GALNTL6: variants seen among roughly 807,000 people sequenced by gnomAD.
The protein encoded by GALNTL6 is polypeptide N-acetylgalactosaminyltransferase-like 6.
In GALNTL6, 46 loss-of-function variants were observed where a neutral mutation model predicts 73.7. The observed-to-expected ratio is 0.62, with a 90% confidence interval of 0.49 to 0.80. The LOEUF (loss-of-function observed/expected upper bound fraction) is 0.80. Ranked by LOEUF, GALNTL6 falls within the 30% of genes least tolerant of loss-of-function variation. GALNTL6 has a pLI of 0.00. For missense variants in GALNTL6, 604 were observed against 755.0 expected, an observed-to-expected ratio of 0.80 and a Z score of 2.34; for synonymous variants, 259 against 263.7, an observed-to-expected ratio of 0.98 and a Z score of 0.17.
At chr4:172,411,607 C>T (rs1199060648) in intron 5 of GALNTL6, among the ~76,000 whole-genome samples, 1 of 144,814 alleles carries the variant, frequency 6.9e-6, no homozygotes, top group Non-Finnish European at 1.5e-5. Flanking sequence ...CCTCACTGGA[C>T]ATGTTGAAAA....
intron 5 of GALNTL6, among the ~76,000 whole-genome samples, chr4:172,600,507 G>A (rs1040845778): frequency 6.6e-6 from 1 of 151,858 alleles, no homozygotes; most frequent in African/African-American, 2.4e-5. Context: ...CTGGAGAGGA[G>A]GTAACTATAC....
intron 2 of GALNTL6, among the ~76,000 whole-genome samples, chr4:172,127,637 T>A (rs542042957): frequency 6.6e-6 from 1 of 152,376 alleles, no homozygotes; most frequent in South Asian, 2.1e-4. Context: ...TAAGTAAGAA[T>A]CTGAAGTATA....
intron 5 of GALNTL6, among the ~76,000 whole-genome samples, chr4:172,429,173 TTATTATTTTATTTTATTTTA>T (rs761917682): frequency 0.029 from 2,147 of 72,846 alleles, 60 homozygotes; most frequent in African/African-American, 0.087. Flanking sequence ...TTATTTTGTT[TTATTATTTTATTTTATTTTA>T]TATTATTTTA....
At chr4:172,368,093 A>G (rs1742636819) in intron 5 of GALNTL6, among the ~76,000 whole-genome samples, 1 of 152,200 alleles carries the variant, frequency 6.6e-6, no homozygotes, top group Non-Finnish European at 1.5e-5. Context: ...ACAAAAGTAG[A>G]ATATTGGCCA....
At chr4:172,184,784 AT>A (rs752985731) in intron 2 of GALNTL6, among the ~76,000 whole-genome samples, 1 of 152,188 alleles carries the variant, frequency 6.6e-6, no homozygotes, top group Non-Finnish European at 1.5e-5. Context: ...AGATCGAGGG[AT>A]TGGCATTGTT....
At chr4:172,794,952 G>T (rs1740186251) in intron 5 of GALNTL6, among the ~76,000 whole-genome samples, 1 of 152,164 alleles carries the variant, frequency 6.6e-6, no homozygotes, top group Non-Finnish European at 1.5e-5. Flanking sequence ...TCATTCAGAG[G>T]AATGCTATTT....
At chr4:172,481,422 G>A (rs1349947181) in intron 5 of GALNTL6, among the ~76,000 whole-genome samples, 1 of 139,708 alleles carries the variant, frequency 7.2e-6, no homozygotes, top group Non-Finnish European at 1.6e-5. Flanking sequence ...AAGGGGACCA[G>A]GGTTGTCTCT....
At chr4:172,573,924 G>T (rs1237696529) in intron 5 of GALNTL6, among the ~76,000 whole-genome samples, 1 of 152,056 alleles carries the variant, frequency 6.6e-6, no homozygotes, top group Non-Finnish European at 1.5e-5. Context: ...TTCTCAACTT[G>T]TTTAAGTGAC....
At chr4:172,802,784 C>T (rs948451654) in intron 5 of GALNTL6, among the ~76,000 whole-genome samples, 1 of 127,394 alleles carries the variant, frequency 7.8e-6, no homozygotes, top group Non-Finnish European at 1.7e-5. Context: ...GAGTGAGACT[C>T]CGTCTCAAAA....
intron 10 of GALNTL6, among the ~76,000 whole-genome samples, chr4:173,002,367 T>C (rs1482240924): frequency 4.0e-5 from 6 of 148,358 alleles, no homozygotes; most frequent in Admixed American, 4.0e-4. Context: ...TCCAGCCTGG[T>C]GACAGAGTGA....
chr4:172,492,334 A>C (rs1733926937), intron 5 of GALNTL6, among the ~76,000 whole-genome samples: 1 of 152,204 alleles, frequency 6.6e-6, no homozygotes, highest in African/African-American at 2.4e-5. Context: ...AATGGAGATC[A>C]TAAATGATAA....
At chr4:171,898,343 T>C (rs1392259433) in intron 2 of GALNTL6, among the ~76,000 whole-genome samples, 2 of 152,118 alleles carry the variant, frequency 1.3e-5, no homozygotes, top group Non-Finnish European at 2.9e-5. Flanking sequence ...GATTCAACAA[T>C]CTTATTCCTA....
chr4:172,614,397 C>T (rs1738642388), intron 5 of GALNTL6, among the ~76,000 whole-genome samples: 1 of 152,062 alleles, frequency 6.6e-6, no homozygotes, highest in Non-Finnish European at 1.5e-5. Flanking sequence ...TACAGATTCA[C>T]CAGTCAATTC....
intron 5 of GALNTL6, among the ~76,000 whole-genome samples, chr4:172,630,585 T>C (rs1266856715): frequency 6.6e-6 from 1 of 152,074 alleles, no homozygotes; most frequent in Non-Finnish European, 1.5e-5. Flanking sequence ...CATGGCAATC[T>C]GTATTTAAGA....
intron 4 of GALNTL6, among the ~76,000 whole-genome samples, chr4:172,333,513 C>A (rs1032039275): frequency 6.6e-6 from 1 of 152,094 alleles, no homozygotes; most frequent in Non-Finnish European, 1.5e-5. Flanking sequence ...GAGTTGAGTT[C>A]CTTTTATATT....
At chr4:172,897,899 T>A (rs1246355990) in intron 8 of GALNTL6, among the ~76,000 whole-genome samples, 1 of 152,230 alleles carries the variant, frequency 6.6e-6, no homozygotes, top group South Asian at 2.1e-4. Context: ...TTCAGTGAGA[T>A]GTAGCCATGC....
intron 5 of GALNTL6, among the ~76,000 whole-genome samples, chr4:172,738,756 A>G (rs562500139): frequency 2.0e-4 from 30 of 152,266 alleles, no homozygotes; most frequent in Non-Finnish European, 3.5e-4. Flanking sequence ...TTAGGCATAC[A>G]TGAGACAATG....
intron 8 of GALNTL6, among the ~76,000 whole-genome samples, chr4:172,894,950 TAC>T (rs1746241513): frequency 7.1e-6 from 1 of 140,364 alleles, no homozygotes; most frequent in Non-Finnish European, 1.6e-5. Context: ...TTGTTTTTTT[TAC>T]AGTTTTTTTT....
At chr4:172,017,837 C>T (rs1057492892) in intron 2 of GALNTL6, among the ~76,000 whole-genome samples, 2 of 152,022 alleles carry the variant, frequency 1.3e-5, no homozygotes, top group Non-Finnish European at 2.9e-5. Flanking sequence ...GGAATGCCTG[C>T]AAAGAGTCCT....
Sources: gnomAD v4.1 joint callset for allele counts (sites outside exome capture counted in the v4.1 genomes callset) on GRCh38, gnomAD v4.1.1 for gene constraint, MANE v1.5 for transcripts, NCBI Gene and HGNC (gene_info 2026-07-23, HGNC 2026-07-21) for gene names.